SLC5A1: variants seen among roughly 807,000 people sequenced by gnomAD.
SLC5A1 encodes solute carrier family 5 member 1, also known as sodium/glucose cotransporter 1.
SLC5A1 carries 42 observed loss-of-function variants against 73.5 expected under a neutral mutation model. That is an observed-to-expected ratio of 0.57 (90% CI 0.45 to 0.74). The LOEUF is 0.74. Ranked by LOEUF, SLC5A1 falls within the 30% of genes least tolerant of loss-of-function variation. The pLI is 0.00. For missense variants in SLC5A1, 634 were observed against 855.4 expected (o/e 0.74, Z 3.23); for synonymous variants, 300 against 317.4 (o/e 0.95, Z 0.58).
chr22:32,054,251 TGTA>T (rs1442734604), intron 2 of SLC5A1, among the ~76,000 whole-genome samples: 2 of 152,244 alleles, frequency 1.3e-5, no homozygotes, highest in Non-Finnish European at 2.9e-5. Flanking sequence ...CATCTATTTA[TGTA>T]GTAGTATTCT....
chr22:32,105,084 G>A (rs1431978477), intron 14 of SLC5A1, among the ~76,000 whole-genome samples, 193 bp downstream of exon 14: 1 of 152,022 alleles, frequency 6.6e-6, no homozygotes, highest in Non-Finnish European at 1.5e-5. Context: ...GGAAAGAAAG[G>A]GTACAGAATC....
chr22:32,058,343 G>A (rs1448580616), intron 2 of SLC5A1, among the ~76,000 whole-genome samples: 3 of 152,200 alleles, frequency 2.0e-5, no homozygotes, highest in African/African-American at 7.2e-5. Flanking sequence ...TCAATATAGC[G>A]AGATCCCATC....
At chr22:32,075,867 C>T (rs1283329752) in intron 5 of SLC5A1, among the ~76,000 whole-genome samples, 3 of 152,306 alleles carry the variant, frequency 2.0e-5, no homozygotes, top group Non-Finnish European at 4.4e-5. Flanking sequence ...AAAAGAATTA[C>T]ACCGATATCA....
chr22:32,072,390 A>C (rs1349300751), intron 5 of SLC5A1, among the ~76,000 whole-genome samples: 1 of 152,138 alleles, frequency 6.6e-6, no homozygotes, highest in Non-Finnish European at 1.5e-5. Flanking sequence ...CAAAGGATGT[A>C]ATCTCATTCT....
intron 11 of SLC5A1, 81 bp downstream of exon 11, chr22:32,091,843 G>T: frequency 1.4e-6 from 2 of 1,414,552 alleles, no homozygotes; most frequent in Non-Finnish European, 2.0e-6. Flanking sequence ...GCTAGGGAAG[G>T]TTGGCAGATG....
chr22:32,046,967 C>T lies in SLC5A1; in HGVS notation c.136-2976C>T, dbSNP rs191278305. ...TCACAGAACAATGATTTTCTGTGCA[C>T]AAGGCATTATGCCCAAAGCATTATG... On this transcript the variant is annotated intron_variant, in intron 1 of 14. Transcript: ENST00000266088. Among the ~76,000 whole-genome samples, 5 of 152,232 alleles carry T rather than the reference C, an allele frequency of 3.3e-5. No individual in the cohort carries two copies. In the East Asian group the frequency reaches 7.7e-4, roughly 23 times the overall value.
At chr22:32,044,608 C>T (rs891023233) in intron 1 of SLC5A1, among the ~76,000 whole-genome samples, 1 of 151,634 alleles carries the variant, frequency 6.6e-6, no homozygotes, top group African/African-American at 2.4e-5. Context: ...GACTTTTCCT[C>T]AATACTCTCA....
At chr22:32,076,501 A>G (rs1412170048) in intron 5 of SLC5A1, among the ~76,000 whole-genome samples, 1 of 152,226 alleles carries the variant, frequency 6.6e-6, no homozygotes, top group Non-Finnish European at 1.5e-5. Flanking sequence ...TAGGGCTGTT[A>G]TCACAGATCA....
chr22:32,088,925 A>C (rs2094012445), intron 10 of SLC5A1, among the ~76,000 whole-genome samples: 1 of 152,308 alleles, frequency 6.6e-6, no homozygotes, highest in Admixed American at 6.5e-5. Context: ...TTTGTCTCCT[A>C]ATGTATGTCT....
intron 10 of SLC5A1, among the ~76,000 whole-genome samples, chr22:32,090,920 T>A (rs2094016197): frequency 6.6e-6 from 1 of 152,126 alleles, no homozygotes; most frequent in South Asian, 2.1e-4. Flanking sequence ...TTTTTAAAAA[T>A]TTATTATCAT....
chr22:32,072,536 A>T (rs1408888705), intron 5 of SLC5A1, among the ~76,000 whole-genome samples: 1 of 152,244 alleles, frequency 6.6e-6, no homozygotes. Context: ...ATCAAATCTC[A>T]GATCCCATGT....
At chr22:32,048,025 G>T (rs968426082) in intron 1 of SLC5A1, among the ~76,000 whole-genome samples, 5 of 151,992 alleles carry the variant, frequency 3.3e-5, no homozygotes, top group African/African-American at 9.7e-5. Context: ...GGTGGTGTGT[G>T]CCTGTACTCC....
intron 10 of SLC5A1, among the ~76,000 whole-genome samples, chr22:32,086,879 T>A (rs2094009213): frequency 6.6e-6 from 1 of 152,084 alleles, no homozygotes; most frequent in Non-Finnish European, 1.5e-5. Context: ...GATGAATGGA[T>A]AAAGAAAATG....
intron 10 of SLC5A1, among the ~76,000 whole-genome samples, chr22:32,089,761 A>G (rs564252597): frequency 3.3e-5 from 5 of 152,314 alleles, no homozygotes; most frequent in African/African-American, 1.2e-4. Context: ...GGATTCATGT[A>G]TCAGATGGAT....
chr22:32,099,098 AAAAAAAAATATATATAT>A, intron 11 of SLC5A1, 68 bp from the exon 12 acceptor site: 3 of 164,450 alleles, frequency 1.8e-5, no homozygotes, highest in Non-Finnish European at 2.7e-5. Context: ...AAAAAAAAAA[AAAAAAAAATATATATAT>A]ATATATATAT....
chr22:32,070,690 CTT>C (rs1306800459), intron 5 of SLC5A1, among the ~76,000 whole-genome samples: 1 of 152,074 alleles, frequency 6.6e-6, no homozygotes, highest in Non-Finnish European at 1.5e-5. Flanking sequence ...GTCAATTCCT[CTT>C]GATTGTAAAA....
chr22:32,091,500 A>G (rs1217352424), intron 10 of SLC5A1, 112 bp from the exon 11 acceptor site: 2 of 1,221,646 alleles, frequency 1.6e-6, no homozygotes, highest in East Asian at 2.4e-5. Flanking sequence ...CAGAAATTGG[A>G]TAACATGGCA....
At chr22:32,109,336 G>A (rs2094052047) in intron 14 of SLC5A1, among the ~76,000 whole-genome samples, 1 of 152,174 alleles carries the variant, frequency 6.6e-6, no homozygotes, top group Non-Finnish European at 1.5e-5. Context: ...CCACGCCTGG[G>A]CTCAGAGGAG....
chr22:32,102,765 A>G (rs557476754), intron 13 of SLC5A1, among the ~76,000 whole-genome samples: 2 of 152,088 alleles, frequency 1.3e-5, no homozygotes, highest in African/African-American at 4.8e-5. Flanking sequence ...TCTACTCTCT[A>G]TCTCCATGAG....
Sources: gnomAD v4.1 joint callset for allele counts (sites outside exome capture counted in the v4.1 genomes callset) on GRCh38, gnomAD v4.1.1 for gene constraint, MANE v1.5 for transcripts, NCBI Gene and HGNC (gene_info 2026-07-23, HGNC 2026-07-21) for gene names.